Variants in RNF10 observed in about 807,000 individuals in gnomAD.
RNF10 encodes the protein ring finger protein 10, also known as E3 ubiquitin-protein ligase RNF10.
In RNF10, 38 loss-of-function variants were observed where a neutral mutation model predicts 91.4. That is an observed-to-expected ratio of 0.42 (90% CI 0.32 to 0.54). The LOEUF is 0.54. Among genes scored for constraint, RNF10 ranks in the 20% least tolerant of loss-of-function variants. The probability of loss-of-function intolerance (pLI) is 0.16; values close to 1 mark genes in which losing one functional copy is unlikely to be tolerated. For missense variants in RNF10, 945 were observed against 1,012.0 expected, an observed-to-expected ratio of 0.93 and a Z score of 0.90; for synonymous variants, 364 against 366.3, an observed-to-expected ratio of 0.99 and a Z score of 0.07.
intron 13 of RNF10, chr12:120,570,260 C>G (rs1346066720): frequency 1.4e-5 from 2 of 145,782 alleles, no homozygotes; most frequent in Non-Finnish European, 3.0e-5. Context: ...GATCTCGGTT[C>G]ACTGCAGCCT....
At chr12:120,550,086 G>A (rs770146234) in intron 2 of RNF10, among the ~76,000 whole-genome samples, 1 of 152,188 alleles carries the variant, frequency 6.6e-6, no homozygotes, top group African/African-American at 2.4e-5. Flanking sequence ...GCCTGCGCTA[G>A]AGAAGTAAAA....
chr12:120,548,105 G>T lies in RNF10; in HGVS notation c.354+1504G>T, dbSNP rs541623584. On this transcript the variant is annotated intron_variant, in intron 2 of 16. Transcript: ENST00000325954. The stretch of plus-strand genomic sequence containing the variant: ...AATGGAGAACATTCTTTCAAGAAGA[G>T]CACAAAGTTTTTTTGGGAGAGGGGA... Among the ~76,000 whole-genome samples, 284 of 152,314 alleles carry T rather than the reference G, an allele frequency of 1.9e-3. 1 individual carries two copies. The highest frequency in any genetic ancestry group is 6.4e-3 in the African/African-American group (267 of 41,576).
chr12:120,565,638 T>C (rs1486441953), intron 12 of RNF10, 109 bp downstream of exon 12: 10 of 865,818 alleles, frequency 1.2e-5, no homozygotes, highest in Non-Finnish European at 1.5e-5. Context: ...TCTTCAACTT[T>C]TAAATGTGAA....
chr12:120,560,829 A>AGAG lies in RNF10; in HGVS notation c.1075_1077dup (p.Glu359dup). On this transcript the variant is annotated inframe_insertion, in exon 7 of 17. Coordinates refer to ENST00000325954, the MANE Select transcript of RNF10 (RefSeq NM_014868.5). Reference sequence around the variant, plus strand: ...AAGTAGCACTAGAGCAGCAGCTGGCAGAGGAGAAGCACACTCCCGAGTCCT... The same window carrying AGAG: ...AAGTAGCACTAGAGCAGCAGCTGGCAGAGGAGGAGAAGCACACTCCCGAGTCCT... The AGAG allele has an allele frequency of 3.7e-6, 6 of 1,614,208 alleles. No homozygotes were observed. The highest frequency in any genetic ancestry group is 5.1e-6 in the Non-Finnish European group (6 of 1,180,032).
At chr12:120,547,225 T>C (rs1259268461) in intron 2 of RNF10, among the ~76,000 whole-genome samples, 1 of 152,104 alleles carries the variant, frequency 6.6e-6, no homozygotes, top group Non-Finnish European at 1.5e-5. Context: ...AGAAGGTGCT[T>C]TAAAGACACC....
chr12:120,567,127 C>G (rs752569216), intron 13 of RNF10, 147 bp downstream of exon 13: 7 of 707,978 alleles, frequency 9.9e-6, no homozygotes, highest in Non-Finnish European at 1.3e-5. Flanking sequence ...ACATCAAATT[C>G]TTTTATTCAT....
intron 13 of RNF10, among the ~76,000 whole-genome samples, chr12:120,567,517 AC>A (rs1182704235): frequency 6.6e-6 from 1 of 151,958 alleles, no homozygotes; most frequent in East Asian, 1.9e-4. Flanking sequence ...CCTGACCAAC[AC>A]AGTGAAACCC....
In RNF10 at chr12:120,577,209, A is replaced by AGCTG. The variant is rs1877509852; in HGVS notation, c.*544_*545insCTGG. On this transcript the variant is annotated 3_prime_UTR_variant, in exon 17 of 17. Coordinates refer to ENST00000325954, the MANE Select transcript of RNF10 (RefSeq NM_014868.5). The stretch of plus-strand genomic sequence containing the variant: ...GTTTTTTTTTTTCTGACACATGGCC[A>AGCTG]GGCTGTGGTGCCAGCTTAATGGAGT... 1 of 453,798 alleles carries AGCTG rather than the reference A, an allele frequency of 2.2e-6. No homozygotes were observed. Among genetic ancestry groups the AGCTG allele is most frequent in the Non-Finnish European group, 4.4e-6 (1 of 225,912 alleles). 28.1% of individuals were successfully genotyped at this position (453,798 alleles called of 1,614,324 possible). A position where few individuals can be genotyped will look rare whatever the true frequency, so the allele number is the denominator to read the frequency against.
intron 7 of RNF10, 89 bp from the exon 8 acceptor site, chr12:120,562,856 G>A: frequency 1.9e-6 from 3 of 1,547,916 alleles, no homozygotes; most frequent in Non-Finnish European, 2.7e-6. Context: ...TTTTGGTCCT[G>A]TTGAGAGGCC....
chr12:120,539,609 G>A (rs1040270568), intron 1 of RNF10: 3 of 393,688 alleles, frequency 7.6e-6, no homozygotes, highest in South Asian at 1.9e-5. Context: ...AAAACTTGTG[G>A]CCCTTAATTT....
At chr12:120,546,277 C>T in intron 1 of RNF10, 128 bp from the exon 2 acceptor site, 1 of 776,048 alleles carries the variant, frequency 1.3e-6, no homozygotes, top group Non-Finnish European at 2.1e-6. Context: ...ATGCTCTGGC[C>T]CAAACCCAGA....
intron 6 of RNF10, among the ~76,000 whole-genome samples, chr12:120,560,160 T>A (rs1231583337): frequency 6.6e-6 from 1 of 151,076 alleles, no homozygotes; most frequent in Non-Finnish European, 1.5e-5. Flanking sequence ...TTTTGTTTTT[T>A]TTTTTTTTGA....
intron 1 of RNF10, among the ~76,000 whole-genome samples, chr12:120,540,636 T>C (rs1228663043): frequency 6.6e-6 from 1 of 152,216 alleles, no homozygotes; most frequent in Non-Finnish European, 1.5e-5. Flanking sequence ...GACATATCTG[T>C]CTTCATACCC....
intron 2 of RNF10, among the ~76,000 whole-genome samples, chr12:120,550,043 C>T (rs983454433): frequency 1.3e-5 from 2 of 152,138 alleles, no homozygotes; most frequent in African/African-American, 2.4e-5. Flanking sequence ...TCTAATAGAT[C>T]AAGCCATGTG....
At chr12:120,571,723 A>G (rs1006365204) in intron 14 of RNF10, among the ~76,000 whole-genome samples, 2 of 152,192 alleles carry the variant, frequency 1.3e-5, no homozygotes, top group Non-Finnish European at 2.9e-5. Context: ...GGCTGGGGAT[A>G]CAGCATCAGT....
At chr12:120,558,340 GA>G (rs1388240927) in intron 6 of RNF10, among the ~76,000 whole-genome samples, 1 of 151,894 alleles carries the variant, frequency 6.6e-6, no homozygotes, top group Non-Finnish European at 1.5e-5. Flanking sequence ...GCATCTGTCT[GA>G]AGGATTGTGT....
chr12:120,576,852 C>T lies in RNF10; in HGVS notation c.*186C>T, dbSNP rs1039779973. Reference sequence around the variant, plus strand: ...TAAATACAGTGTATTTTCCAGCTTCCTGTCTTTACACCAAAATAAAGTATT... The same window carrying T: ...TAAATACAGTGTATTTTCCAGCTTCTTGTCTTTACACCAAAATAAAGTATT... On this transcript the variant is annotated 3_prime_UTR_variant, in exon 17 of 17. Coordinates refer to ENST00000325954, the MANE Select transcript of RNF10 (RefSeq NM_014868.5). 3 of 674,570 alleles carry T rather than the reference C, an allele frequency of 4.4e-6. No homozygotes were observed. Among genetic ancestry groups the T allele is most frequent in the East Asian group, 3.1e-5 (1 of 32,698 alleles). The allele number at this position is 674,570 out of a possible 1,614,324, so 41.8% of individuals were successfully genotyped here.
chr12:120,571,276 C>G lies in RNF10; in HGVS notation c.2127C>G (p.Phe709Leu), dbSNP rs1257326830. The change falls in exon 14 of 17, where the codon TTC becomes TTG. Residue 709 changes from phenylalanine to leucine, a missense_variant. Transcript: ENST00000325954. ...GGAGTCTGGAAGAAGACTCTCCCTT[C>G]CCTTCCTTTGCCCAGGTAAATCCTT... ...CVGSLEEDSP[F>L]PSFAQMLRVG... The G allele has an allele frequency of 2.5e-6, 4 of 1,613,204 alleles. No individual in the cohort carries two copies. The Admixed American group carries it at 5.0e-5, about 20-fold the overall frequency.
At chr12:120,556,330 C>G (rs1228727562) in intron 4 of RNF10, among the ~76,000 whole-genome samples, 2 of 150,556 alleles carry the variant, frequency 1.3e-5, no homozygotes, top group Non-Finnish European at 3.0e-5. Flanking sequence ...GTCAGGAGAT[C>G]GAGACCATCC....
Sources: gnomAD v4.1 joint callset for allele counts (sites outside exome capture counted in the v4.1 genomes callset) on GRCh38, gnomAD v4.1.1 for gene constraint, MANE v1.5 for transcripts, NCBI Gene and HGNC (gene_info 2026-07-23, HGNC 2026-07-21) for gene names.